The following GLRB variants were observed in gnomAD, a reference collection of about 807,000 sequenced individuals.
GLRB encodes the protein glycine receptor subunit beta.
In GLRB, 33 loss-of-function variants were observed where a neutral mutation model predicts 54.2. The observed-to-expected ratio is 0.61, with a 90% CI of 0.46 to 0.81. The LOEUF is 0.81. Among genes scored for constraint, GLRB ranks in the 40% least tolerant of loss-of-function variants. The probability of loss-of-function intolerance (pLI) is 0.00; values close to 1 mark genes in which losing one functional copy is unlikely to be tolerated. For missense variants in GLRB, 572 were observed against 584.6 expected (o/e 0.98, Z 0.22); for synonymous variants, 209 against 208.2 (o/e 1.00, Z -0.03).
At chr4:157,126,284 T>A (rs2126542924) in intron 4 of GLRB, among the ~76,000 whole-genome samples, 1 of 152,040 alleles carries the variant, frequency 6.6e-6, no homozygotes, top group Admixed American at 6.6e-5. Context: ...CCTCACATTA[T>A]TCATAAACCA....
intron 1 of GLRB, among the ~76,000 whole-genome samples, chr4:157,076,877 G>T (rs1477569569): frequency 6.8e-6 from 1 of 147,820 alleles, no homozygotes; most frequent in African/African-American, 2.5e-5. Flanking sequence ...GGTCTGATGA[G>T]CCCCCTCTGT....
intron 2 of GLRB, among the ~76,000 whole-genome samples, chr4:157,085,436 T>A (rs1037239436): frequency 2.0e-5 from 3 of 152,156 alleles, no homozygotes; most frequent in East Asian, 3.9e-4. Context: ...TGTTACTATA[T>A]CTTCCTAGTT....
Position 157,144,058 on chromosome 4 carries a change from T to G in GLRB, c.904+99T>G, listed in dbSNP as rs1248952088. On this transcript the variant is annotated intron_variant, in intron 8 of 9. Coordinates refer to ENST00000264428, the MANE Select transcript of GLRB (RefSeq NM_000824.5). The stretch of plus-strand genomic sequence containing the variant: ...ACTTTGAAACAATGAGTTTTAGAAT[T>G]GTTAGCCACCAATTTCGGTGTTTAA... 5 of 1,246,640 alleles carry G rather than the reference T, an allele frequency of 4.0e-6. No homozygotes were observed. In the African/African-American group the frequency reaches 5.9e-5, roughly 15 times the overall value. 77.2% of individuals were successfully genotyped at this position (1,246,640 alleles called of 1,614,324 possible).
chr4:157,155,713 G>A (rs778656847), intron 9 of GLRB, among the ~76,000 whole-genome samples: 15 of 152,098 alleles, frequency 9.9e-5, no homozygotes, highest in Admixed American at 2.0e-4. Flanking sequence ...TCAAAAAGTT[G>A]TTTGGTCTTT....
rs140325009 is a variant in GLRB, at chr4:157,094,927, T to G, written c.122+16781T>G. ...CGTACAAGAATGTTTACAGAAGCAC[T>G]ATCTGTAATTATAAAATATATTTAT... On this transcript the variant is annotated intron_variant, in intron 2 of 9. Transcript: ENST00000264428. Among the ~76,000 whole-genome samples, 722 of 152,330 alleles carry G rather than the reference T, an allele frequency of 4.7e-3. 8 individuals carry two copies. Among genetic ancestry groups the G allele is most frequent in the African/African-American group, 0.016 (676 of 41,578 alleles).
chr4:157,098,893 C>T (rs1734914515), intron 2 of GLRB, among the ~76,000 whole-genome samples: 1 of 152,156 alleles, frequency 6.6e-6, no homozygotes, highest in Non-Finnish European at 1.5e-5. Context: ...CAGGCATGAG[C>T]TACCGTGCCT....
chr4:157,096,826 T>C (rs368431771), intron 2 of GLRB, among the ~76,000 whole-genome samples: 1 of 152,146 alleles, frequency 6.6e-6, no homozygotes, highest in East Asian at 1.9e-4. Flanking sequence ...ATAGCAGGGG[T>C]GGCCTTTGAA....
At chr4:157,129,570 G>T (rs1354774435) in intron 4 of GLRB, among the ~76,000 whole-genome samples, 1 of 151,642 alleles carries the variant, frequency 6.6e-6, no homozygotes, top group East Asian at 1.9e-4. Context: ...GTATTATATG[G>T]CCTCATAACT....
rs544131421 is a variant in GLRB at position 157,129,099 on chromosome 4, G to A, written c.297+6702G>A. On this transcript the variant is annotated intron_variant, in intron 4 of 9. Transcript: ENST00000264428. ...TTGTTGTGAAATGTTTTATTGCCTTGAAGAAATGGTTTAATTTGGGTGTTA... is the reference window on the plus strand; with the variant it reads ...TTGTTGTGAAATGTTTTATTGCCTTAAAGAAATGGTTTAATTTGGGTGTTA... Among the ~76,000 whole-genome samples, 6 of 151,858 alleles carry A rather than the reference G, an allele frequency of 4.0e-5. 1 individual carries two copies. The South Asian group carries it at 1.2e-3, about 31-fold the overall frequency.
intron 2 of GLRB, among the ~76,000 whole-genome samples, chr4:157,100,457 G>C (rs1452751537): frequency 6.6e-6 from 1 of 152,068 alleles, no homozygotes; most frequent in Non-Finnish European, 1.5e-5. Flanking sequence ...GTTTAGTCTT[G>C]TGCCAGTAAC....
At chr4:157,086,572 A>G (rs769487669) in intron 2 of GLRB, among the ~76,000 whole-genome samples, 7 of 152,198 alleles carry the variant, frequency 4.6e-5, no homozygotes, top group Non-Finnish European at 8.8e-5. Flanking sequence ...TCTATTGTGC[A>G]TTATTTTCTC....
At chr4:157,076,798 T>C (rs1734049339) in intron 1 of GLRB, among the ~76,000 whole-genome samples, 1 of 151,780 alleles carries the variant, frequency 6.6e-6, no homozygotes, top group Non-Finnish European at 1.5e-5. Flanking sequence ...CAGGTGCCGC[T>C]GTCGGATGGG....
At chr4:157,162,703 T>C (rs1196741403) in intron 9 of GLRB, among the ~76,000 whole-genome samples, 1 of 152,140 alleles carries the variant, frequency 6.6e-6, no homozygotes, top group Admixed American at 6.5e-5. Flanking sequence ...GGAGGGTTCG[T>C]CTCAGTGGGG....
At chr4:157,153,790 G>A (rs17035814) in intron 9 of GLRB, among the ~76,000 whole-genome samples, 14,584 of 152,156 alleles carry the variant, frequency 0.096, 773 homozygotes, top group Middle Eastern at 0.13. Context: ...GCTAAGAGCA[G>A]TAAATTCCAC....
At chr4:157,107,888 A>G (rs897344155) in intron 2 of GLRB, among the ~76,000 whole-genome samples, 10 of 152,104 alleles carry the variant, frequency 6.6e-5, no homozygotes, top group African/African-American at 2.2e-4. Flanking sequence ...ACTCTTGTTA[A>G]GGGCTAATGC....
At position 157,136,557 on chromosome 4, in the gene GLRB, C is replaced by G. The variant is rs375721686; in HGVS notation, c.386C>G (p.Thr129Arg). ...GATTTTAGGGGTTCAGATGCACTGACAGTGGATCCAACAATGTACAAGTGT... is the reference window on the plus strand; with the variant it reads ...GATTTTAGGGGTTCAGATGCACTGAGAGTGGATCCAACAATGTACAAGTGT... ...PSDFRGSDAL[T>R]VDPTMYKCLW... The change falls in exon 5 of 10, where the codon ACA becomes AGA. Residue 129 changes from threonine to arginine, a missense_variant. By Grantham distance (71) the Thr-to-Arg change is moderately conservative (BLOSUM62 -1). Transcript: ENST00000264428. 6.2e-7 allele frequency: 1 copy of G among 1,611,694 alleles called. No homozygotes were observed. Among genetic ancestry groups the G allele is most frequent in the African/African-American group, 1.3e-5 (1 of 74,868 alleles).
intron 2 of GLRB, among the ~76,000 whole-genome samples, chr4:157,098,738 T>G (rs1404276003): frequency 6.6e-6 from 1 of 152,064 alleles, no homozygotes; most frequent in African/African-American, 2.4e-5. Flanking sequence ...CCCAAGCAGC[T>G]GGGATTACAG....
chr4:157,097,725 T>C (rs902366218), intron 2 of GLRB, among the ~76,000 whole-genome samples: 17 of 151,978 alleles, frequency 1.1e-4, no homozygotes, highest in South Asian at 4.2e-4. Flanking sequence ...TTTCTAGTAG[T>C]CAAGAAATTT....
intron 2 of GLRB, among the ~76,000 whole-genome samples, chr4:157,109,673 A>G (rs2126503504): frequency 6.6e-6 from 1 of 152,144 alleles, no homozygotes; most frequent in South Asian, 2.1e-4. Context: ...AACAAGTCCC[A>G]GGTTGTGTCC....
Sources: gnomAD v4.1 joint callset for allele counts (sites outside exome capture counted in the v4.1 genomes callset) on GRCh38, gnomAD v4.1.1 for gene constraint, MANE v1.5 for transcripts, NCBI Gene and HGNC (gene_info 2026-07-23, HGNC 2026-07-21) for gene names.